Variants in USP34 observed in about 807,000 individuals in gnomAD.
USP34 encodes the protein ubiquitin specific peptidase 34.
Under a neutral mutation model 460.3 loss-of-function variants are expected in USP34, and 70 were observed. That is an observed-to-expected ratio of 0.15 (90% CI 0.13 to 0.19). The LOEUF is 0.19. Among genes scored for constraint, USP34 ranks in the 10% least tolerant of loss-of-function variants. USP34 has a pLI of 1.00. For missense variants in USP34, 3,985 were observed against 4,236.2 expected (o/e 0.94, Z 1.65); for synonymous variants, 1,647 against 1,405.3 (o/e 1.17, Z -3.85).
chr2:61,468,796 G>T (rs1178677888), intron 1 of USP34, among the ~76,000 whole-genome samples: 1 of 151,970 alleles, frequency 6.6e-6, no homozygotes. Context: ...AAGTTCTAGG[G>T]GTTTCCCAGA....
At chr2:61,428,519 C>T (rs1694574641) in intron 1 of USP34, among the ~76,000 whole-genome samples, 1 of 152,132 alleles carries the variant, frequency 6.6e-6, no homozygotes, top group African/African-American at 2.4e-5. Context: ...TCCAACCAAC[C>T]CCATGGAAGA....
In USP34 at chr2:61,344,942, A is replaced by C. The variant is rs146466750; in HGVS notation, c.2286-913T>G. Among the ~76,000 whole-genome samples the C allele has an allele frequency of 6.3e-4, 96 of 152,284 alleles. 1 individual carries two copies. The highest frequency in any genetic ancestry group is 4.0e-4 in the Non-Finnish European group (27 of 68,024). On this transcript the variant is annotated intron_variant, in intron 15 of 79. Transcript: ENST00000398571. Reference sequence around the variant, plus strand: ...CAAACATTCTGCAATGCACAGGGCAACATTAGCATTGCTATACATTCAAAT... The same window carrying C: ...CAAACATTCTGCAATGCACAGGGCACCATTAGCATTGCTATACATTCAAAT...
In USP34 at chr2:61,348,357, G is replaced by C. The variant is rs1410543772; in HGVS notation, c.1798C>G (p.Gln600Glu). Residue 600 changes from glutamine to glutamate, a missense_variant, in exon 15 of 80, where the codon CAG becomes GAG. Physicochemically the swap from Gln to Glu is conservative, Grantham distance 29. Coordinates refer to ENST00000398571, the MANE Select transcript of USP34 (RefSeq NM_014709.4). The part of the protein sequence containing the change: ...SNEVNSSHAS[Q>E]SAGSPGSEVQ... ...TCACTGCCAGGGCTCCCAGCTGACT[G>C]GCTTGCGTGGCTAGAATTAACCTCA... 23 of 1,613,954 alleles carry C rather than the reference G, an allele frequency of 1.4e-5. No individual in the cohort carries two copies. Among genetic ancestry groups the C allele is most frequent in the Non-Finnish European group, 1.9e-5 (22 of 1,180,044 alleles).
intron 68 of USP34, among the ~76,000 whole-genome samples, chr2:61,212,258 A>C (rs1180378056): frequency 6.6e-6 from 1 of 152,168 alleles, no homozygotes; most frequent in African/African-American, 2.4e-5. Flanking sequence ...GAACTCAACA[A>C]ATCTTAAAAT....
intron 2 of USP34, among the ~76,000 whole-genome samples, chr2:61,417,984 A>G (rs865859274): frequency 4.0e-5 from 6 of 150,502 alleles, no homozygotes; most frequent in Middle Eastern, 3.4e-3. Flanking sequence ...CAAGTGATCC[A>G]CCTCCCTGGG....
At chr2:61,279,710 C>T (rs1262619340) in intron 39 of USP34, among the ~76,000 whole-genome samples, 2 of 152,128 alleles carry the variant, frequency 1.3e-5, no homozygotes, top group African/African-American at 4.8e-5. Flanking sequence ...GTGATCCGCC[C>T]GCCTCGGCCT....
chr2:61,251,130 T>A (rs1043933624), intron 48 of USP34, among the ~76,000 whole-genome samples: 1 of 151,968 alleles, frequency 6.6e-6, no homozygotes, highest in African/African-American at 2.4e-5. Context: ...CAAGCGAGAC[T>A]CCATCTCAAA....
intron 54 of USP34, 21 bp downstream of exon 54, chr2:61,236,304 T>G: frequency 2.5e-6 from 4 of 1,596,544 alleles, no homozygotes; most frequent in Non-Finnish European, 3.4e-6. Flanking sequence ...AAATATCTAC[T>G]ATGAAATTTA....
chr2:61,290,524 A>G (rs1284246112), intron 33 of USP34, among the ~76,000 whole-genome samples: 2 of 152,154 alleles, frequency 1.3e-5, no homozygotes, highest in Non-Finnish European at 2.9e-5. Flanking sequence ...AACAACCTCA[A>G]AAAGCATTCT....
intron 8 of USP34, among the ~76,000 whole-genome samples, chr2:61,374,637 A>G (rs973720307): frequency 3.3e-5 from 5 of 151,030 alleles, no homozygotes; most frequent in Non-Finnish European, 7.4e-5. Context: ...TTGAGAGACT[A>G]CTTGCTCTGT....
intron 1 of USP34, among the ~76,000 whole-genome samples, chr2:61,453,157 T>A (rs1217566245): frequency 3.3e-5 from 5 of 152,106 alleles, no homozygotes. Flanking sequence ...ATGCCTATAA[T>A]CCCAGCACTT....
intron 1 of USP34, among the ~76,000 whole-genome samples, chr2:61,454,870 CTTT>C (rs935894179): frequency 2.8e-4 from 10 of 36,288 alleles, no homozygotes; most frequent in Admixed American, 8.8e-4. Flanking sequence ...TTTTTTTTTT[CTTT>C]TTTTTTTTTT....
intron 25 of USP34, 89 bp from the exon 26 acceptor site, chr2:61,311,999 A>G (rs948040438): frequency 2.7e-6 from 4 of 1,475,384 alleles, no homozygotes; most frequent in African/African-American, 2.8e-5. Context: ...ACAGACTGGA[A>G]AAGTCCAAAA....
intron 49 of USP34, 58 bp from the exon 50 acceptor site, chr2:61,246,535 A>G: frequency 8.6e-7 from 1 of 1,169,580 alleles, no homozygotes; most frequent in East Asian, 2.9e-5. Context: ...AGTTACTTAG[A>G]AACACTTTTT....
At chr2:61,400,804 T>C (rs1050167333) in intron 3 of USP34, among the ~76,000 whole-genome samples, 4 of 152,132 alleles carry the variant, frequency 2.6e-5, no homozygotes, top group Non-Finnish European at 5.9e-5. Context: ...TGAATCATAA[T>C]TGTGCCAGTG....
intron 1 of USP34, among the ~76,000 whole-genome samples, chr2:61,450,436 T>C (rs1211239368): frequency 6.6e-6 from 1 of 152,108 alleles, no homozygotes; most frequent in Non-Finnish European, 1.5e-5. Flanking sequence ...ACAAAAGTAA[T>C]TGTGGTTTAC....
At chr2:61,297,033 C>A in intron 29 of USP34, 108 bp from the exon 30 acceptor site, 2 of 1,400,998 alleles carry the variant, frequency 1.4e-6, no homozygotes, top group Non-Finnish European at 1.9e-6. Context: ...AGTTTTTAGC[C>A]TCACTTTTTG....
intron 1 of USP34, among the ~76,000 whole-genome samples, chr2:61,452,087 T>G (rs1425720602): frequency 6.7e-6 from 1 of 149,170 alleles, no homozygotes; most frequent in South Asian, 2.1e-4. Flanking sequence ...GGCAGGAGAA[T>G]GGTGTGAACC....
intron 18 of USP34, among the ~76,000 whole-genome samples, chr2:61,334,197 T>C (rs887967884): frequency 2.0e-5 from 3 of 152,128 alleles, no homozygotes; most frequent in African/African-American, 7.2e-5. Flanking sequence ...TAAAACACAC[T>C]ATAAATATCT....
Sources: gnomAD v4.1 joint callset for allele counts (sites outside exome capture counted in the v4.1 genomes callset) on GRCh38, gnomAD v4.1.1 for gene constraint, MANE v1.5 for transcripts, NCBI Gene and HGNC (gene_info 2026-07-23, HGNC 2026-07-21) for gene names.